The following ZNF365 variants were observed in gnomAD, a reference collection of about 807,000 sequenced individuals.
The protein encoded by ZNF365 is zinc finger protein 365.
A neutral mutation model predicts 35.0 loss-of-function variants in ZNF365; 22 were observed. The observed-to-expected ratio is 0.63, with a 90% CI of 0.45 to 0.90. The LOEUF (loss-of-function observed/expected upper bound fraction) is 0.90, where lower values mean the gene tolerates loss of function less well. ZNF365 is among the 40% of genes least tolerant of loss of function. The pLI, the probability that ZNF365 is intolerant of heterozygous loss-of-function variation, is 0.00. For missense variants in ZNF365, 448 were observed against 500.3 expected (o/e 0.90, Z 1.00); for synonymous variants, 188 against 196.2 (o/e 0.96, Z 0.35).
chr10:62,406,318 C>T (rs1839904485), downstream of ZNF365, among the ~76,000 whole-genome samples: 2 of 152,166 alleles, frequency 1.3e-5, no homozygotes, highest in Non-Finnish European at 2.9e-5. Flanking sequence ...TCAATTGTCA[C>T]TTCCAAGGCA....
At chr10:62,392,487 G>A (rs1322421028) in intron 3 of ZNF365, among the ~76,000 whole-genome samples, 1 of 152,172 alleles carries the variant, frequency 6.6e-6, no homozygotes, top group Non-Finnish European at 1.5e-5. Flanking sequence ...ACCATTTGTT[G>A]AATAGGGTGG....
Position 62,457,979 on chromosome 10 carries a change from C to T in ZNF365, c.925-1762C>T, listed in dbSNP as rs192898293. Among the ~76,000 whole-genome samples, 1,099 of 152,334 alleles carry T rather than the reference C, an allele frequency of 7.2e-3. 10 individuals are homozygous for T. The highest frequency in any genetic ancestry group is 0.011 in the Non-Finnish European group (767 of 68,034). On this transcript the variant is annotated intron_variant, in intron 3 of 4. Coordinates refer to the ZNF365 transcript ENST00000395255. ...CCAAATACCATACAACAAGCCTTAG[C>T]TCTCCCAGGGAGACATCTTATTTTC...
Position 62,428,701 on chromosome 10 carries a change from T to G in ZNF365, c.925-31040T>G, listed in dbSNP as rs539090956. 4.6e-5 allele frequency among the ~76,000 whole-genome samples: 7 copies of G among 152,272 alleles called. No individual in the cohort carries two copies. In the East Asian group the frequency reaches 1.4e-3, roughly 29 times the overall value. On this transcript the variant is annotated intron_variant, in intron 3 of 4. Transcript: ENST00000395255. ...AGGCATCTAAGGCTGGAGGGGGGCATCTAGGGTTGGTGGGGTGAAACCCAT... is the reference window on the plus strand; with the variant it reads ...AGGCATCTAAGGCTGGAGGGGGGCAGCTAGGGTTGGTGGGGTGAAACCCAT...
intron 3 of ZNF365, among the ~76,000 whole-genome samples, chr10:62,457,915 C>T (rs1158772608): frequency 6.6e-6 from 1 of 152,164 alleles, no homozygotes; most frequent in East Asian, 1.9e-4. Flanking sequence ...TTTCTTTTCA[C>T]CTCAAAACAC....
intron 4 of ZNF365, among the ~76,000 whole-genome samples, chr10:62,475,850 C>G (rs1841122158): frequency 6.6e-6 from 1 of 152,140 alleles, no homozygotes; most frequent in African/African-American, 2.4e-5. Context: ...GTGCCGGCAG[C>G]TGGGTAGTGT....
intron 2 of ZNF365, among the ~76,000 whole-genome samples, chr10:62,385,920 G>C (rs1331256109): frequency 6.6e-6 from 1 of 151,308 alleles, no homozygotes; most frequent in Admixed American, 6.6e-5. Context: ...TTTAACTTTT[G>C]GTTGTTTGCC....
chr10:62,452,558 A>G (rs1189845456), intron 3 of ZNF365, among the ~76,000 whole-genome samples: 1 of 152,208 alleles, frequency 6.6e-6, no homozygotes, highest in African/African-American at 2.4e-5. Context: ...TTGCACATCT[A>G]TCTCCCTGGA....
At chr10:62,463,685 A>G (rs1840885054) in intron 4 of ZNF365, among the ~76,000 whole-genome samples, 1 of 152,258 alleles carries the variant, frequency 6.6e-6, no homozygotes, top group African/African-American at 2.4e-5. Flanking sequence ...GATATTTTCC[A>G]CAGTGTAAAC....
intron 3 of ZNF365, among the ~76,000 whole-genome samples, chr10:62,443,127 A>C (rs1390480290): frequency 1.3e-5 from 2 of 152,336 alleles, no homozygotes; most frequent in South Asian, 4.1e-4. Context: ...AGTGCCCGTG[A>C]TGACCTTTCA....
At chr10:62,424,275 G>A (rs188774307) in intron 3 of ZNF365, among the ~76,000 whole-genome samples, 1 of 152,240 alleles carries the variant, frequency 6.6e-6, no homozygotes, top group Non-Finnish European at 1.5e-5. Flanking sequence ...AGTGATAGGA[G>A]ATGAAGAGGT....
chr10:62,384,746 C>T (rs1839497758), intron 2 of ZNF365, among the ~76,000 whole-genome samples: 1 of 152,212 alleles, frequency 6.6e-6, no homozygotes, highest in Non-Finnish European at 1.5e-5. Context: ...CTTAAAGAGT[C>T]ATTGCAATGT....
Position 62,393,949 on chromosome 10 carries a change from C to T in ZNF365, c.925-4791C>T, listed in dbSNP as rs1327796130. On this transcript the variant is annotated intron_variant, in intron 3 of 4. Transcript: ENST00000395254. The stretch of plus-strand genomic sequence containing the variant: ...AAAGGATTAGGCAGATGTGGTTTCC[C>T]CTTGTTTCCTTGTATAGTACTCGAA... Among the ~76,000 whole-genome samples, 6 of 151,996 alleles carry T rather than the reference C, an allele frequency of 3.9e-5. No individual in the cohort carries two copies. In the East Asian group the frequency reaches 5.8e-4, roughly 15 times the overall value.
At position 62,402,201 on chromosome 10, in the gene ZNF365, A is replaced by G; in HGVS notation, c.*2412A>G. The G allele has an allele frequency of 1.0e-6, 1 of 985,998 alleles. No homozygotes were observed. Among genetic ancestry groups the G allele is most frequent in the Non-Finnish European group, 1.2e-6 (1 of 829,932 alleles). The allele number at this position is 985,998 out of a possible 1,614,324, so 61.1% of individuals were successfully genotyped here. A position where few individuals can be genotyped will look rare whatever the true frequency, so the allele number is the denominator to read the frequency against. ...CTGGGAAACTATGTTCAAGGTTGAAATGGAGAGTAGATTTAATTTTATTTG... is the reference window on the plus strand; with the variant it reads ...CTGGGAAACTATGTTCAAGGTTGAAGTGGAGAGTAGATTTAATTTTATTTG... On this transcript the variant is annotated 3_prime_UTR_variant, in exon 5 of 5. Coordinates refer to ENST00000395254, the MANE Select transcript of ZNF365 (RefSeq NM_014951.3).
At chr10:62,440,559 G>A (rs1840483187) in intron 3 of ZNF365, among the ~76,000 whole-genome samples, 2 of 152,288 alleles carry the variant, frequency 1.3e-5, no homozygotes, top group Non-Finnish European at 2.9e-5. Flanking sequence ...GGGGGAGAGA[G>A]AAGGGAAGAA....
At chr10:62,452,714 A>G (rs1007049152) in intron 3 of ZNF365, among the ~76,000 whole-genome samples, 1 of 152,280 alleles carries the variant, frequency 6.6e-6, no homozygotes, top group Non-Finnish European at 1.5e-5. Flanking sequence ...CTTTAGATCA[A>G]TACACCCCAG....
chr10:62,460,795 GT>G (rs1465233463), intron 4 of ZNF365, among the ~76,000 whole-genome samples: 2 of 152,228 alleles, frequency 1.3e-5, no homozygotes, highest in Admixed American at 6.5e-5. Flanking sequence ...CACTTCATTG[GT>G]TTGGCTAAAT....
At chr10:62,480,098 C>G in exon 5 of ZNF365, 2 of 1,316,338 alleles carry the variant, frequency 1.5e-6, no homozygotes, top group South Asian at 3.3e-5. Context: ...GCTCCAGGTC[C>G]TCCCTAACAA....
intron 4 of ZNF365, among the ~76,000 whole-genome samples, chr10:62,465,597 C>G (rs531112845): frequency 6.6e-6 from 1 of 152,252 alleles, no homozygotes; most frequent in East Asian, 1.9e-4. Context: ...ATAAAAACCC[C>G]AGACTCAGCT....
chr10:62,457,345 A>C (rs1589464406), intron 3 of ZNF365, among the ~76,000 whole-genome samples: 1 of 152,350 alleles, frequency 6.6e-6, no homozygotes, highest in East Asian at 1.9e-4. Flanking sequence ...CCACTTAAGC[A>C]GATGGGGTTG....
Sources: allele counts gnomAD v4.1 joint callset (sites outside exome capture counted in the v4.1 genomes callset), GRCh38; gene constraint gnomAD v4.1.1; transcripts MANE v1.5; gene names NCBI Gene and HGNC (gene_info 2026-07-23, HGNC 2026-07-21).